IMPG1: variants seen among roughly 807,000 people sequenced by gnomAD.
IMPG1 encodes the protein interphotoreceptor matrix proteoglycan 1.
Under a neutral mutation model 92.0 loss-of-function variants are expected in IMPG1, and 85 were observed. That is an observed-to-expected ratio of 0.92 (90% CI 0.78 to 1.11). The LOEUF (loss-of-function observed/expected upper bound fraction) is 1.11. IMPG1 is among the 50% of genes least tolerant of loss of function. IMPG1 has a pLI of 0.00. For missense variants in IMPG1, 1,022 were observed against 956.0 expected, an observed-to-expected ratio of 1.07 and a Z score of -0.91; for synonymous variants, 367 against 334.1, an observed-to-expected ratio of 1.10 and a Z score of -1.08.
intron 1 of IMPG1, among the ~76,000 whole-genome samples, chr6:76,058,256 CAA>C (rs926742834): frequency 1.3e-5 from 2 of 152,070 alleles, no homozygotes; most frequent in African/African-American, 4.8e-5. Flanking sequence ...CTCTCTGAAA[CAA>C]AGAGAGTGAG....
intron 4 of IMPG1, among the ~76,000 whole-genome samples, chr6:76,027,020 C>T (rs140471476): frequency 9.7e-4 from 147 of 152,234 alleles, no homozygotes; most frequent in Non-Finnish European, 1.5e-3. Context: ...CTGTGTGTAA[C>T]GTCTGTCAAA....
chr6:75,951,449 T>C (rs1324187426), intron 12 of IMPG1, among the ~76,000 whole-genome samples: 1 of 152,168 alleles, frequency 6.6e-6, no homozygotes, highest in Non-Finnish European at 1.5e-5. Flanking sequence ...AAGTCACCAA[T>C]TGGTGCCAAA....
intron 12 of IMPG1, among the ~76,000 whole-genome samples, chr6:75,998,220 G>A (rs889838198): frequency 2.6e-5 from 4 of 152,176 alleles, no homozygotes; most frequent in African/African-American, 9.6e-5. Context: ...AATAAAGTCT[G>A]ACTTTCATGG....
chr6:76,049,548 G>A (rs1341757767), intron 1 of IMPG1, among the ~76,000 whole-genome samples: 4 of 152,142 alleles, frequency 2.6e-5, no homozygotes, highest in Non-Finnish European at 5.9e-5. Flanking sequence ...TATTCAATGT[G>A]TGGATATGAC....
intron 4 of IMPG1, among the ~76,000 whole-genome samples, chr6:76,025,834 G>T (rs1389519916): frequency 6.6e-6 from 1 of 152,188 alleles, no homozygotes; most frequent in Non-Finnish European, 1.5e-5. Context: ...GCCATGGAAT[G>T]ATGATGTGGA....
In IMPG1 at chr6:76,005,503, T is replaced by C. The variant is rs1241574931; in HGVS notation, c.919A>G (p.Ile307Val). ...SSSTEMQLTAIFKRHSAEAKS... is the reference protein window; with the variant it reads ...SSSTEMQLTAVFKRHSAEAKS... ...GCTTCTGCACTGTGTCTCTTAAAGA[T>C]GGCCGTAAGTTGCATCTCTGTGGAG... The change falls in exon 10 of 17, where the codon ATC (isoleucine) becomes GTC (valine). Residue 307 changes from isoleucine to valine, a missense_variant. Coordinates refer to ENST00000369950, the MANE Select transcript of IMPG1 (RefSeq NM_001563.4). 6.2e-7 allele frequency: 1 copy of C among 1,613,842 alleles called. No homozygotes were observed. The highest frequency in any genetic ancestry group is 8.5e-7 in the Non-Finnish European group (1 of 1,179,946).
intron 12 of IMPG1, among the ~76,000 whole-genome samples, chr6:76,002,433 A>G (rs960079648): frequency 6.6e-6 from 1 of 152,246 alleles, no homozygotes; most frequent in Non-Finnish European, 1.5e-5. Flanking sequence ...GCTAATTTAC[A>G]CTAAAGAAAC....
chr6:76,027,680 T>C (rs915710480), intron 4 of IMPG1, among the ~76,000 whole-genome samples: 15 of 152,202 alleles, frequency 9.9e-5, no homozygotes, highest in Admixed American at 2.6e-4. Flanking sequence ...AAAAAAGGTA[T>C]TATATGGTTT....
chr6:75,991,107 G>A (rs1250074744), intron 12 of IMPG1, among the ~76,000 whole-genome samples: 2 of 152,104 alleles, frequency 1.3e-5, no homozygotes, highest in Admixed American at 6.6e-5. Context: ...CTCACTTTCT[G>A]TAAAAATGGA....
At chr6:76,043,685 A>G (rs1334619096) in intron 1 of IMPG1, among the ~76,000 whole-genome samples, 2 of 152,204 alleles carry the variant, frequency 1.3e-5, no homozygotes. Context: ...TAGATCTACT[A>G]ACATGCTTCC....
chr6:75,925,627 G>C (rs1382298475), intron 15 of IMPG1, among the ~76,000 whole-genome samples: 5 of 151,954 alleles, frequency 3.3e-5, no homozygotes, highest in Admixed American at 2.6e-4. Context: ...AGGAGTTCGA[G>C]ACCAGCCTGG....
intron 12 of IMPG1, among the ~76,000 whole-genome samples, chr6:75,981,122 T>C (rs1782620564): frequency 6.6e-6 from 1 of 152,210 alleles, no homozygotes; most frequent in African/African-American, 2.4e-5. Context: ...ACAGCATTTT[T>C]CTTCTGCCCT....
chr6:75,946,210 C>T (rs886237539), intron 14 of IMPG1, among the ~76,000 whole-genome samples: 9 of 152,174 alleles, frequency 5.9e-5, no homozygotes, highest in Non-Finnish European at 1.3e-4. Context: ...GTAAGTGCTC[C>T]CAGGCTCAAT....
At chr6:76,002,248 T>C (rs1783005494) in intron 12 of IMPG1, among the ~76,000 whole-genome samples, 1 of 152,182 alleles carries the variant, frequency 6.6e-6, no homozygotes. Context: ...TAAAAAAGGC[T>C]CTCTGCAAGA....
At chr6:76,066,364 GA>G (rs978341911) in intron 1 of IMPG1, among the ~76,000 whole-genome samples, 2 of 151,696 alleles carry the variant, frequency 1.3e-5, no homozygotes, top group East Asian at 1.9e-4. Flanking sequence ...TAAAGGGGTA[GA>G]AAAAAAATTC....
Position 76,005,490 on chromosome 6 carries a change from T to G in IMPG1, c.932A>C (p.His311Pro). The change falls in exon 10 of 17, where the codon CAC (histidine) becomes CCC (proline). Residue 311 changes from histidine to proline, a missense_variant. Around this residue, in one of 3 missense-constraint regions of IMPG1, gnomAD observed 681 missense variants for 583.6 expected, o/e 1.17. Coordinates refer to ENST00000369950, the MANE Select transcript of IMPG1 (RefSeq NM_001563.4). ...EMQLTAIFKRHSAEAKSPASD... is the reference protein window; with the variant it reads ...EMQLTAIFKRPSAEAKSPASD... ...TGCAGGGCTTTTTGCTTCTGCACTG[T>G]GTCTCTTAAAGATGGCCGTAAGTTG... 6.2e-7 allele frequency: 1 copy of G among 1,613,982 alleles called. No homozygotes were observed. The highest frequency in any genetic ancestry group is 8.5e-7 in the Non-Finnish European group (1 of 1,179,906).
At chr6:75,978,921 G>C (rs1435790287) in intron 12 of IMPG1, among the ~76,000 whole-genome samples, 1 of 151,918 alleles carries the variant, frequency 6.6e-6, no homozygotes, top group Non-Finnish European at 1.5e-5. Context: ...ACTTTTTTGG[G>C]GGGTGGGGAG....
chr6:76,049,092 G>T (rs1033955154), intron 1 of IMPG1, among the ~76,000 whole-genome samples: 1 of 152,116 alleles, frequency 6.6e-6, no homozygotes, highest in Non-Finnish European at 1.5e-5. Context: ...GCAAAGCAAT[G>T]CAGGAACAGA....
At chr6:75,974,818 G>A (rs1782508951) in intron 12 of IMPG1, among the ~76,000 whole-genome samples, 1 of 151,972 alleles carries the variant, frequency 6.6e-6, no homozygotes, top group Admixed American at 6.6e-5. Context: ...ACCTGGCCGG[G>A]ATTTTCTTAA....
Sources: gnomAD v4.1 joint callset for allele counts (sites outside exome capture counted in the v4.1 genomes callset) on GRCh38, gnomAD v4.1.1 for gene constraint, gnomAD v4.1.1 regional missense constraint, MANE v1.5 for transcripts, NCBI Gene and HGNC (gene_info 2026-07-23, HGNC 2026-07-21) for gene names.